GAREM2: variants seen among roughly 807,000 people sequenced by gnomAD.
GAREM2 encodes GRB2 associated regulator of MAPK1 subtype 2, also known as GRB2-associated and regulator of MAPK protein 2.
In GAREM2, 30 loss-of-function variants were observed where a neutral mutation model predicts 55.6. That is an observed-to-expected ratio of 0.54 (90% confidence interval 0.40 to 0.73). The LOEUF (loss-of-function observed/expected upper bound fraction) is 0.73. Among genes scored for constraint, GAREM2 ranks in the 30% least tolerant of loss-of-function variants. The pLI, the probability that GAREM2 is intolerant of heterozygous loss-of-function variation, is 0.00. For synonymous variants in GAREM2, 550 were observed against 569.1 expected, an observed-to-expected ratio of 0.97 and a Z score of 0.48; for missense variants, 1,075 against 1,257.7, an observed-to-expected ratio of 0.85 and a Z score of 2.20.
intron 2 of GAREM2, among the ~76,000 whole-genome samples, chr2:26,180,169 G>T (rs1668998336): frequency 1.3e-5 from 2 of 152,240 alleles, no homozygotes; most frequent in Admixed American, 1.3e-4. Context: ...ATTTCCCCTT[G>T]TTCTGGGCTC....
chr2:26,174,407 C>T (rs1668794965), intron 1 of GAREM2, among the ~76,000 whole-genome samples: 1 of 152,242 alleles, frequency 6.6e-6, no homozygotes, highest in African/African-American at 2.4e-5. Context: ...GGCCACTTCC[C>T]ACACATCCTT....
intron 4 of GAREM2, 101 bp downstream of exon 4, chr2:26,185,377 C>T (rs895349922): frequency 3.6e-6 from 5 of 1,384,054 alleles, no homozygotes; most frequent in African/African-American, 3.1e-5. Context: ...GAGGTGTCTT[C>T]CTCGGCGGGG....
Position 26,187,568 on chromosome 2 carries a change from T to A in GAREM2, c.1936T>A (p.Leu646Met), listed in dbSNP as rs1170169106. The change falls in exon 6 of 6, where the codon TTG becomes ATG. Residue 646 changes from leucine to methionine, a missense_variant. Physicochemically the swap from Leu to Met is conservative, Grantham distance 15. Transcript: ENST00000401533. ...CTACCCCTCAGGCCCTTCAGCGGCC[T>A]TGTCTTCTGGGCCCAGAACCACCTC... Reference protein sequence around the residue: ...PAYPSGPSAALSSGPRTTSGP... With the variant: ...PAYPSGPSAAMSSGPRTTSGP... The A allele has an allele frequency of 6.2e-5, 96 of 1,545,512 alleles. No individual in the cohort carries two copies. The highest frequency in any genetic ancestry group is 8.3e-5 in the Non-Finnish European group (95 of 1,144,128).
the GAREM2 span, chr2:26,194,731 G>A: frequency 1.2e-6 from 1 of 847,258 alleles, no homozygotes; most frequent in Non-Finnish European, 2.0e-6. Flanking sequence ...AAAGTCATTT[G>A]AAAGTCACTG....
rs1669258025 is a variant in GAREM2, at chr2:26,186,343, C to T, written c.1583C>T (p.Ser528Phe). ...AGCTCCAGCCTCTCCTACTACTCCTCTGGCCTCCAGGATGGGTGAGTCCCT... is the reference window on the plus strand; with the variant it reads ...AGCTCCAGCCTCTCCTACTACTCCTTTGGCCTCCAGGATGGGTGAGTCCCT... The part of the protein sequence containing the change: ...SPSSSLSYYS[S>F]GLQDGAGSRS... Residue 528 changes from serine (S) to phenylalanine (F), a missense_variant, in exon 5 of 6, where the codon TCT becomes TTT. By Grantham distance (155) the Ser-to-Phe change is radical. Coordinates refer to ENST00000401533, the MANE Select transcript of GAREM2 (RefSeq NM_001168241.2). 1.3e-6 allele frequency: 2 copies of T among 1,551,944 alleles called. No individual in the cohort carries two copies. Among genetic ancestry groups the T allele is most frequent in the Non-Finnish European group, 1.7e-6 (2 of 1,147,022 alleles).
downstream of GAREM2, chr2:26,191,552 T>C (rs1017968154): frequency 3.7e-6 from 6 of 1,613,876 alleles, no homozygotes; most frequent in Admixed American, 1.7e-5. Context: ...GTGGCCAAGA[T>C]CCCCTCTTGC....
At position 26,187,572 on chromosome 2, in the gene GAREM2, C is replaced by T. The variant is rs774844982; in HGVS notation, c.1940C>T (p.Ser647Phe). The T allele has an allele frequency of 6.5e-6, 10 of 1,546,632 alleles. No homozygotes were observed. The South Asian group carries it at 1.1e-4, about 17-fold the overall frequency. ...CCCTCAGGCCCTTCAGCGGCCTTGTCTTCTGGGCCCAGAACCACCTCGGGT... is the reference window on the plus strand; with the variant it reads ...CCCTCAGGCCCTTCAGCGGCCTTGTTTTCTGGGCCCAGAACCACCTCGGGT... Reference protein sequence around the residue: ...AYPSGPSAALSSGPRTTSGPV... With the variant: ...AYPSGPSAALFSGPRTTSGPV... Residue 647 changes from serine to phenylalanine, a missense_variant, in exon 6 of 6, where the codon TCT (serine) becomes TTT (phenylalanine). Physicochemically the swap from Ser to Phe is radical, Grantham distance 155. Around this residue, in one of 6 missense-constraint regions of GAREM2, gnomAD observed 515 missense variants for 501.5 expected, o/e 1.03. Transcript: ENST00000401533.
At chr2:26,182,536 C>A (rs1219412883) in intron 2 of GAREM2, 2 of 1,510,990 alleles carry the variant, frequency 1.3e-6, no homozygotes, top group Non-Finnish European at 1.8e-6. Flanking sequence ...CAGATGAGGA[C>A]CCAGAGGCCC....
Position 26,184,997 on chromosome 2 carries a change from C to A in GAREM2, c.1149C>A (p.Pro383=). 1 of 1,112,116 alleles carries A rather than the reference C, an allele frequency of 9.0e-7. No individual in the cohort carries two copies. Among genetic ancestry groups the A allele is most frequent in the Non-Finnish European group, 1.1e-6 (1 of 912,732 alleles). The allele number at this position is 1,112,116 out of a possible 1,614,324, so 68.9% of individuals were successfully genotyped here. Reference sequence around the variant, plus strand: ...CGCGCCGCGCGCGCCTCTGCCTGCCCGCGCCGCGCGCCCCCGGGCTCGCCC... The same window carrying A: ...CGCGCCGCGCGCGCCTCTGCCTGCCAGCGCCGCGCGCCCCCGGGCTCGCCC... ...ASPRRARLCL[P]APRAPGLARA... is the part of the protein sequence containing the mutation. Residue 383 remains proline (P), a synonymous_variant, in exon 4 of 6, where the codon CCC becomes CCA. Coordinates refer to ENST00000401533, the MANE Select transcript of GAREM2 (RefSeq NM_001168241.2).
rs773159472 is a variant in GAREM2, at chr2:26,186,192, AAGG to A, written c.1438_1440del (p.Glu480del). The stretch of plus-strand genomic sequence containing the variant: ...AGTCACCGCCCTCTGCTTGTAGGTG[AAGG>A]AGGAGTGCCGCCTGCTCAATGCCCC... On this transcript the variant is annotated inframe_deletion, in exon 5 of 6. Coordinates refer to ENST00000401533, the MANE Select transcript of GAREM2 (RefSeq NM_001168241.2). 1 of 1,508,960 alleles carries A rather than the reference AAGG, an allele frequency of 6.6e-7. No homozygotes were observed. Among genetic ancestry groups the A allele is most frequent in the South Asian group, 1.3e-5 (1 of 76,420 alleles). 93.5% of individuals were successfully genotyped at this position (1,508,960 alleles called of 1,614,324 possible).
At chr2:26,191,873 G>A (rs1669516469), downstream of GAREM2, among the ~76,000 whole-genome samples, 1 of 152,226 alleles carries the variant, frequency 6.6e-6, no homozygotes, top group African/African-American at 2.4e-5. Context: ...AAGATAATCA[G>A]TATCTCTTTG....
At chr2:26,176,835 A>C (rs1005047916) in intron 2 of GAREM2, among the ~76,000 whole-genome samples, 1 of 152,188 alleles carries the variant, frequency 6.6e-6, no homozygotes, top group Non-Finnish European at 1.5e-5. Flanking sequence ...CCAAGAGAAC[A>C]TGTCCTGCCA....
chr2:26,199,529 A>G, the GAREM2 span, among the ~76,000 whole-genome samples: 1 of 152,180 alleles, frequency 6.6e-6, no homozygotes, highest in Non-Finnish European at 1.5e-5. Flanking sequence ...GCTGGCTGGC[A>G]AACATTCTTC....
At chr2:26,186,050 T>TG in intron 4 of GAREM2, 139 bp from the exon 5 acceptor site, 1 of 776,054 alleles carries the variant, frequency 1.3e-6, no homozygotes, top group East Asian at 2.9e-5. Context: ...GATGAGCAGT[T>TG]GGGGTGCAAG....
the GAREM2 span, chr2:26,197,835 C>A: frequency 2.3e-6 from 2 of 882,188 alleles, no homozygotes; most frequent in Non-Finnish European, 3.9e-6. Flanking sequence ...GATTAGAGGC[C>A]ACATCAAAGC....
At chr2:26,201,861 C>T in the GAREM2 span, among the ~76,000 whole-genome samples, 1 of 151,754 alleles carries the variant, frequency 6.6e-6, no homozygotes, top group African/African-American at 2.4e-5. Flanking sequence ...GTGGCGTGAT[C>T]TCAGCTCACT....
At chr2:26,204,056 G>A in the GAREM2 span, 1 of 1,613,468 alleles carries the variant, frequency 6.2e-7, no homozygotes, top group Non-Finnish European at 8.5e-7. Flanking sequence ...GAGAGAGCAG[G>A]CTTACCCTTT....
chr2:26,193,847 C>CCAAA, downstream of GAREM2: 1 of 1,137,046 alleles, frequency 8.8e-7, no homozygotes, highest in Middle Eastern at 1.9e-4. Flanking sequence ...TGTACTGGCT[C>CCAAA]CAAACACTGC....
chr2:26,188,479 A>G lies in GAREM2; in HGVS notation c.*222A>G, dbSNP rs970351259. 1.9e-5 allele frequency: 8 copies of G among 412,988 alleles called. No individual in the cohort carries two copies. Among genetic ancestry groups the G allele is most frequent in the Non-Finnish European group, 3.0e-5 (7 of 234,876 alleles). 25.6% of individuals were successfully genotyped at this position (412,988 alleles called of 1,614,324 possible). A position where few individuals can be genotyped will look rare whatever the true frequency, so the allele number is the denominator to read the frequency against. The stretch of plus-strand genomic sequence containing the variant: ...TTTGAGTGTGCAGAGTACATGGGGA[A>G]GGGGCTGGGGGCACCACTGTGTACC... On this transcript the variant is annotated 3_prime_UTR_variant, in exon 6 of 6. Coordinates refer to ENST00000401533, the MANE Select transcript of GAREM2 (RefSeq NM_001168241.2).
Sources: allele counts gnomAD v4.1 joint callset (sites outside exome capture counted in the v4.1 genomes callset), GRCh38; gene constraint gnomAD v4.1.1; regional missense constraint gnomAD v4.1.1; transcripts MANE v1.5; gene names NCBI Gene and HGNC (gene_info 2026-07-23, HGNC 2026-07-21).